MACROD2: variants seen among roughly 807,000 people sequenced by gnomAD.
MACROD2 encodes ADP-ribose glycohydrolase MACROD2.
In MACROD2, 36 loss-of-function variants were observed where a neutral mutation model predicts 70.4. The ratio of observed to expected loss-of-function variants is 0.51; its 90% CI spans 0.39 to 0.68. The LOEUF is 0.68. Ranked by LOEUF, MACROD2 falls within the 30% of genes least tolerant of loss-of-function variation. The probability of loss-of-function intolerance (pLI) is 0.00; values close to 1 mark genes in which losing one functional copy is unlikely to be tolerated. For synonymous variants in MACROD2, 172 were observed against 178.8 expected (o/e 0.96, Z 0.30); for missense variants, 496 against 538.4 (o/e 0.92, Z 0.78).
At chr20:14,064,031 C>G (rs567195061) in intron 2 of MACROD2, among the ~76,000 whole-genome samples, 1 of 152,080 alleles carries the variant, frequency 6.6e-6, no homozygotes, top group African/African-American at 2.4e-5. Flanking sequence ...CTGTCCTGTC[C>G]GAAGCATTTT....
intron 3 of MACROD2, among the ~76,000 whole-genome samples, chr20:14,290,593 T>C (rs1232331824): frequency 6.7e-6 from 1 of 150,160 alleles, no homozygotes; most frequent in Non-Finnish European, 1.5e-5. Flanking sequence ...CACCACAACC[T>C]CTGCCTCCTG....
chr20:14,790,903 C>A (rs542655346), intron 5 of MACROD2, among the ~76,000 whole-genome samples: 1 of 152,026 alleles, frequency 6.6e-6, no homozygotes, highest in Non-Finnish European at 1.5e-5. Flanking sequence ...CCTCTCTGTG[C>A]GAGCTCTGGG....
At chr20:14,609,981 C>G (rs146799860) in intron 4 of MACROD2, among the ~76,000 whole-genome samples, 21 of 152,194 alleles carry the variant, frequency 1.4e-4, no homozygotes, top group East Asian at 5.8e-4. Context: ...ATTTTGTAGT[C>G]AAAAGCTCAT....
At chr20:15,321,088 T>TGCCAGTTATTGAGCACGAGGGGG (rs1555804353) in intron 6 of MACROD2, among the ~76,000 whole-genome samples, 6 of 146,792 alleles carry the variant, frequency 4.1e-5, no homozygotes, top group African/African-American at 7.3e-5. Flanking sequence ...CAAAGTTGTT[T>TGCCAGTTATTGAGCACGAGGGGG]CAAAATGCAT....
At chr20:15,587,139 C>T (rs962330857) in intron 8 of MACROD2, among the ~76,000 whole-genome samples, 8 of 152,026 alleles carry the variant, frequency 5.3e-5, no homozygotes, top group Non-Finnish European at 1.2e-4. Flanking sequence ...TGAGGAGGCC[C>T]CAGAATCATG....
intron 5 of MACROD2, among the ~76,000 whole-genome samples, chr20:15,069,042 T>A (rs907552458): frequency 6.6e-6 from 1 of 152,060 alleles, no homozygotes; most frequent in Non-Finnish European, 1.5e-5. Flanking sequence ...ATGAGGAAGT[T>A]ATTGGGAACT....
At chr20:15,710,483 C>T (rs1316271382) in intron 8 of MACROD2, among the ~76,000 whole-genome samples, 3 of 152,144 alleles carry the variant, frequency 2.0e-5, no homozygotes, top group Admixed American at 6.5e-5. Context: ...TTATCTACGG[C>T]ATTTTTTGCT....
chr20:15,540,052 A>C (rs1248184794), intron 8 of MACROD2, among the ~76,000 whole-genome samples: 1 of 152,228 alleles, frequency 6.6e-6, no homozygotes, highest in Non-Finnish European at 1.5e-5. Flanking sequence ...TAAAGTGATG[A>C]CCAACTTACA....
At chr20:14,944,181 A>T (rs1012940374) in intron 5 of MACROD2, among the ~76,000 whole-genome samples, 16 of 152,088 alleles carry the variant, frequency 1.1e-4, no homozygotes, top group Admixed American at 6.5e-4. Flanking sequence ...TATAAAGAAG[A>T]ATGAGAAAGT....
chr20:15,137,765 A>T (rs2076161550), intron 5 of MACROD2, among the ~76,000 whole-genome samples: 1 of 152,122 alleles, frequency 6.6e-6, no homozygotes, highest in Admixed American at 6.5e-5. Flanking sequence ...TTAAGTTTTT[A>T]AAAATATGCA....
In MACROD2 at chr20:14,727,172, C is replaced by A. The variant is rs576233411; in HGVS notation, c.418+42213C>A. 4.3e-4 allele frequency among the ~76,000 whole-genome samples: 65 copies of A among 152,240 alleles called. No homozygotes were observed. The South Asian group carries it at 0.013, about 30-fold the overall frequency. On this transcript the variant is annotated intron_variant, in intron 5 of 17. Coordinates refer to ENST00000684519, the MANE Select transcript of MACROD2 (RefSeq NM_001351661.2). ...TTACCAGTAAACTTCCATTGAAAAT[C>A]TGGCTATGGAAGAAAAGTCTGCCAG...
At chr20:14,125,785 C>T (rs988742465) in intron 3 of MACROD2, among the ~76,000 whole-genome samples, 2 of 151,992 alleles carry the variant, frequency 1.3e-5, no homozygotes, top group Admixed American at 6.6e-5. Context: ...AAAATAGCAG[C>T]AAAATAGGGT....
intron 5 of MACROD2, among the ~76,000 whole-genome samples, chr20:14,861,833 A>G (rs2073321317): frequency 6.8e-6 from 1 of 147,816 alleles, no homozygotes; most frequent in South Asian, 2.1e-4. Context: ...TCTTAATATC[A>G]GTGGCTCTCC....
At chr20:14,231,740 G>A (rs1349668128) in intron 3 of MACROD2, among the ~76,000 whole-genome samples, 1 of 152,178 alleles carries the variant, frequency 6.6e-6, no homozygotes, top group African/African-American at 2.4e-5. Context: ...GGTTGAACTA[G>A]TTTACAGTCC....
At chr20:15,577,928 G>C (rs572367047) in intron 8 of MACROD2, among the ~76,000 whole-genome samples, 1 of 152,176 alleles carries the variant, frequency 6.6e-6, no homozygotes, top group African/African-American at 2.4e-5. Flanking sequence ...TATAAGGTCA[G>C]TTACCTTTAG....
chr20:15,531,961 T>C lies in MACROD2; in HGVS notation c.645+32114T>C, dbSNP rs73258916. ...GTGTGTCTTTTGCAAATTACTCTTTTATTGTGTTCCTTGGAAATAAATCAC... is the reference window on the plus strand; with the variant it reads ...GTGTGTCTTTTGCAAATTACTCTTTCATTGTGTTCCTTGGAAATAAATCAC... On this transcript the variant is annotated intron_variant, in intron 8 of 17. Coordinates refer to ENST00000684519, the MANE Select transcript of MACROD2 (RefSeq NM_001351661.2). Among the ~76,000 whole-genome samples the C allele has an allele frequency of 5.9e-3, 904 of 152,312 alleles. 11 individuals carry two copies. Among genetic ancestry groups the C allele is most frequent in the African/African-American group, 0.02 (852 of 41,592 alleles).
chr20:14,283,702 G>T (rs2082324030), intron 3 of MACROD2, among the ~76,000 whole-genome samples: 1 of 152,012 alleles, frequency 6.6e-6, no homozygotes, highest in African/African-American at 2.4e-5. Context: ...GTTTCACCAT[G>T]TTGGCCAGGC....
chr20:15,747,141 C>T (rs1446683542), intron 8 of MACROD2, among the ~76,000 whole-genome samples: 1 of 152,044 alleles, frequency 6.6e-6, no homozygotes, highest in East Asian at 1.9e-4. Context: ...CCTCAAAGTT[C>T]CTCCCTCTAC....
intron 13 of MACROD2, among the ~76,000 whole-genome samples, chr20:15,968,838 T>TACAC (rs1555801905): frequency 6.1e-5 from 7 of 113,828 alleles, no homozygotes; most frequent in African/African-American, 2.0e-4. Context: ...TATATATATA[T>TACAC]ACACACATAT....
Sources: allele counts gnomAD v4.1 joint callset (sites outside exome capture counted in the v4.1 genomes callset), GRCh38; gene constraint gnomAD v4.1.1; transcripts MANE v1.5; gene names NCBI Gene and HGNC (gene_info 2026-07-23, HGNC 2026-07-21).